Variants in N4BP2L2 observed in about 807,000 individuals in gnomAD.
N4BP2L2 encodes NEDD4-binding protein 2-like 2.
A neutral mutation model predicts 56.2 loss-of-function variants in N4BP2L2; 50 were observed. The observed-to-expected ratio is 0.89, with a 90% confidence interval of 0.71 to 1.13. The LOEUF (loss-of-function observed/expected upper bound fraction) is 1.13, where lower values mean the gene tolerates loss of function less well. N4BP2L2 is among the 50% of genes most tolerant of loss of function. N4BP2L2 has a pLI of 0.00. For missense variants in N4BP2L2, 689 were observed against 693.8 expected (o/e 0.99, Z 0.08); for synonymous variants, 203 against 223.6 (o/e 0.91, Z 0.82).
At chr13:32,483,876 C>T (rs192614410) in intron 6 of N4BP2L2, among the ~76,000 whole-genome samples, 11 of 150,762 alleles carry the variant, frequency 7.3e-5, no homozygotes, top group East Asian at 3.9e-4. Context: ...TCCAGCTACT[C>T]GGGAGGCTAA....
intron 9 of N4BP2L2, among the ~76,000 whole-genome samples, chr13:32,433,563 G>A (rs1208533083): frequency 1.3e-5 from 2 of 151,990 alleles, no homozygotes; most frequent in Non-Finnish European, 2.9e-5. Flanking sequence ...AACCTGGGAG[G>A]TGGAGGTTGC....
At chr13:32,458,001 C>A (rs931937476) in intron 6 of N4BP2L2, among the ~76,000 whole-genome samples, 1 of 151,758 alleles carries the variant, frequency 6.6e-6, no homozygotes, top group Non-Finnish European at 1.5e-5. Flanking sequence ...AAAGTTTCCA[C>A]TTAAAAGATA....
chr13:32,464,764 CAG>C (rs2080907648), intron 6 of N4BP2L2, among the ~76,000 whole-genome samples: 1 of 151,770 alleles, frequency 6.6e-6, no homozygotes, highest in Non-Finnish European at 1.5e-5. Context: ...AAATCAATAA[CAG>C]ATAAAATAAC....
intron 6 of N4BP2L2, among the ~76,000 whole-genome samples, chr13:32,494,828 T>C (rs1480414681): frequency 2.0e-5 from 3 of 152,168 alleles, no homozygotes; most frequent in South Asian, 2.1e-4. Flanking sequence ...CAGAATATCC[T>C]GCCCTAGCTG....
At chr13:32,530,091 A>C (rs1469438934) in intron 2 of N4BP2L2, among the ~76,000 whole-genome samples, 1 of 152,176 alleles carries the variant, frequency 6.6e-6, no homozygotes, top group Non-Finnish European at 1.5e-5. Context: ...TATCTAAAAA[A>C]CGGTTTAAAT....
At chr13:32,494,385 A>G (rs1317905157) in intron 6 of N4BP2L2, among the ~76,000 whole-genome samples, 1 of 152,204 alleles carries the variant, frequency 6.6e-6, no homozygotes, top group Non-Finnish European at 1.5e-5. Context: ...ATACCATCAA[A>G]TAGAAACCAA....
At chr13:32,485,409 T>C (rs547444644) in intron 6 of N4BP2L2, among the ~76,000 whole-genome samples, 2 of 152,214 alleles carry the variant, frequency 1.3e-5, no homozygotes, top group African/African-American at 2.4e-5. Context: ...CTTCTAAAAA[T>C]AGAAGAGGAA....
chr13:32,503,937 A>G (rs2090471897), intron 6 of N4BP2L2, among the ~76,000 whole-genome samples: 1 of 152,206 alleles, frequency 6.6e-6, no homozygotes, highest in Non-Finnish European at 1.5e-5. Flanking sequence ...TCAAGGTTAC[A>G]GTGAACTATG....
chr13:32,504,670 CA>C (rs1328976107), intron 6 of N4BP2L2: 1 of 152,238 alleles, frequency 6.6e-6, no homozygotes, highest in Non-Finnish European at 1.5e-5. Flanking sequence ...ACATCCACTC[CA>C]TCCCAACAGC....
At chr13:32,505,532 T>C (rs1027363505), downstream of N4BP2L2, 1 of 152,218 alleles carries the variant, frequency 6.6e-6, no homozygotes, top group African/African-American at 2.4e-5. Flanking sequence ...CTCTCTCCTC[T>C]TGCATCTTAC....
At chr13:32,528,738 G>T (rs2053802573) in intron 2 of N4BP2L2, among the ~76,000 whole-genome samples, 1 of 152,078 alleles carries the variant, frequency 6.6e-6, no homozygotes, top group Admixed American at 6.6e-5. Context: ...AGAAGGAATT[G>T]AGAGTAAAAG....
At chr13:32,474,267 T>TTTA (rs2082839374) in intron 6 of N4BP2L2, among the ~76,000 whole-genome samples, 1 of 151,776 alleles carries the variant, frequency 6.6e-6, no homozygotes, top group African/African-American at 2.4e-5. Context: ...GCATATACAG[T>TTTA]TTATTATTAC....
At chr13:32,520,720 G>A (rs1270566145) in intron 5 of N4BP2L2, among the ~76,000 whole-genome samples, 1 of 151,658 alleles carries the variant, frequency 6.6e-6, no homozygotes, top group African/African-American at 2.4e-5. Context: ...GTGATATGAA[G>A]GGAAAAGGTA....
In N4BP2L2 at chr13:32,450,070, C is replaced by T. The variant is rs139079021; in HGVS notation, c.366-5944G>A. Among the ~76,000 whole-genome samples, 1,173 of 152,222 alleles carry T rather than the reference C, an allele frequency of 7.7e-3. 9 individuals carry two copies. Among genetic ancestry groups the T allele is most frequent in the Middle Eastern group, 0.021 (6 of 288 alleles). On this transcript the variant is annotated intron_variant, in intron 6 of 9. Coordinates refer to the N4BP2L2 transcript ENST00000357505. ...TGATTGAGTGCACTAATATGGAACA[C>T]CACATCCAACAATTGGTGAAAACAC...
chr13:32,473,410 C>T (rs1466926304), intron 6 of N4BP2L2, among the ~76,000 whole-genome samples: 7 of 151,922 alleles, frequency 4.6e-5, no homozygotes, highest in Non-Finnish European at 1.0e-4. Context: ...AAGGTGTGAA[C>T]ATTGACTGGA....
At position 32,462,595 on chromosome 13, in the gene N4BP2L2, G is replaced by A. The variant is rs150640258; in HGVS notation, c.366-18469C>T. Among the ~76,000 whole-genome samples the A allele has an allele frequency of 1.4e-4, 21 of 152,064 alleles. No homozygotes were observed. The South Asian group carries it at 2.9e-3, about 21-fold the overall frequency. On this transcript the variant is annotated intron_variant, in intron 6 of 9. Transcript: ENST00000357505. ...TTAAAAACAACGTATTTATATTTCC[G>A]AATAGCTAGAAGACAGGTCTTGAAA...
intron 6 of N4BP2L2, among the ~76,000 whole-genome samples, chr13:32,486,269 G>GA (rs923893794): frequency 1.3e-5 from 2 of 151,828 alleles, no homozygotes; most frequent in Non-Finnish European, 2.9e-5. Context: ...GATTAGGCAA[G>GA]AAAAAAAATT....
At chr13:32,492,272 A>ATTTTTTT (rs1185615708) in intron 6 of N4BP2L2, among the ~76,000 whole-genome samples, 18 of 77,080 alleles carry the variant, frequency 2.3e-4, no homozygotes, top group South Asian at 7.8e-4. Context: ...AAAACACCAA[A>ATTTTTTT]ATTTTTTTTT....
chr13:32,474,241 T>C (rs909693553), intron 6 of N4BP2L2, among the ~76,000 whole-genome samples: 13 of 152,040 alleles, frequency 8.6e-5, no homozygotes, highest in African/African-American at 3.1e-4. Context: ...TTAATGATTT[T>C]GAATGTAGGT....
Sources: allele counts gnomAD v4.1 joint callset (sites outside exome capture counted in the v4.1 genomes callset), GRCh38; gene constraint gnomAD v4.1.1; transcripts MANE v1.5; gene names NCBI Gene and HGNC (gene_info 2026-07-23, HGNC 2026-07-21).